Variants in IGF1R observed in about 807,000 individuals in gnomAD.
IGF1R encodes the protein insulin like growth factor 1 receptor.
Under a neutral mutation model 144.6 loss-of-function variants are expected in IGF1R, and 44 were observed. That is an observed-to-expected ratio of 0.30 (90% confidence interval 0.24 to 0.39). IGF1R has a LOEUF of 0.39. IGF1R is among the 10% of genes least tolerant of loss of function. The pLI, the probability that IGF1R is intolerant of heterozygous loss-of-function variation, is 1.00. For missense variants in IGF1R, 1,355 were observed against 1,833.7 expected, an observed-to-expected ratio of 0.74 and a Z score of 4.77; for synonymous variants, 795 against 722.8, an observed-to-expected ratio of 1.10 and a Z score of -1.60.
At chr15:98,835,360 G>GT (rs1174390249) in intron 2 of IGF1R, among the ~76,000 whole-genome samples, 1 of 152,210 alleles carries the variant, frequency 6.6e-6, no homozygotes, top group African/African-American at 2.4e-5. Context: ...TACCAGCGAA[G>GT]TGGAAGCACT....
chr15:98,668,273 T>C (rs2052795502), intron 1 of IGF1R, among the ~76,000 whole-genome samples: 1 of 152,144 alleles, frequency 6.6e-6, no homozygotes, highest in African/African-American at 2.4e-5. Flanking sequence ...ACTGAAGGTA[T>C]CTGGGGGTTG....
intron 2 of IGF1R, among the ~76,000 whole-genome samples, chr15:98,852,834 C>CG (rs927885396): frequency 5.3e-5 from 8 of 152,188 alleles, no homozygotes; most frequent in African/African-American, 1.9e-4. Flanking sequence ...TTTGACACCC[C>CG]GTCCTCCCTT....
At chr15:98,701,802 G>A (rs963211813) in intron 1 of IGF1R, among the ~76,000 whole-genome samples, 2 of 152,032 alleles carry the variant, frequency 1.3e-5, no homozygotes, top group Admixed American at 1.3e-4. Context: ...ATTTACATTG[G>A]GGCAACAAAA....
Position 98,962,433 on chromosome 15 carries a change from T to A in IGF1R, c.*4991T>A, listed in dbSNP as rs980938095. 14 of 232,526 alleles carry A rather than the reference T, an allele frequency of 6.0e-5. No individual in the cohort carries two copies. Among genetic ancestry groups the A allele is most frequent in the Non-Finnish European group, 9.3e-5 (11 of 118,018 alleles). The allele number at this position is 232,526 out of a possible 1,614,324, so 14.4% of individuals were successfully genotyped here. A position where few individuals can be genotyped will look rare whatever the true frequency, so the allele number is the denominator to read the frequency against. ...TAAGAACCAGTGGCGAAAGACACTT[T>A]CTTTCTTCACTCTGAAGTAGCTGGT... is the stretch of plus-strand genomic sequence containing the variant. On this transcript the variant is annotated 3_prime_UTR_variant, in exon 21 of 21. Transcript: ENST00000650285.
At chr15:98,815,209 T>C (rs950905779) in intron 2 of IGF1R, among the ~76,000 whole-genome samples, 7 of 152,264 alleles carry the variant, frequency 4.6e-5, no homozygotes, top group African/African-American at 1.4e-4. Context: ...CATTTGGCTC[T>C]TGGGGCAAAC....
chr15:98,650,926 C>G lies in IGF1R; in HGVS notation c.94+1251C>G, dbSNP rs575807916. ...GCGGGGATGCGGGGAGCGAGAACTC[C>G]CCCCGGTGTCTACGGCCGGAGGAGG... is the stretch of plus-strand genomic sequence containing the variant. On this transcript the variant is annotated intron_variant, in intron 1 of 20. Coordinates refer to ENST00000650285, the MANE Select transcript of IGF1R (RefSeq NM_000875.5). 7 of 984,932 alleles carry G rather than the reference C, an allele frequency of 7.1e-6. No homozygotes were observed. In the South Asian group the frequency reaches 3.3e-4, roughly 46 times the overall value. 61.0% of individuals were successfully genotyped at this position (984,932 alleles called of 1,614,324 possible). A position where few individuals can be genotyped will look rare whatever the true frequency, so the allele number is the denominator to read the frequency against.
At chr15:98,919,685 T>G (rs370393845) in intron 10 of IGF1R, among the ~76,000 whole-genome samples, 10 of 152,348 alleles carry the variant, frequency 6.6e-5, no homozygotes, top group East Asian at 5.8e-4. Flanking sequence ...TGATTCTCTG[T>G]TTTCATGGAT....
At position 98,960,863 on chromosome 15, in the gene IGF1R, G is replaced by C. The variant is rs577970789; in HGVS notation, c.*3421G>C. On this transcript the variant is annotated 3_prime_UTR_variant, in exon 21 of 21. Coordinates refer to ENST00000650285, the MANE Select transcript of IGF1R (RefSeq NM_000875.5). ...AGACAGAGATGTACCAAACCTTCCG[G>C]CTGGAAAGCCCAGTGGCCGGCGCCG... The C allele has an allele frequency of 3.8e-5, 9 of 233,846 alleles. No individual in the cohort carries two copies. The South Asian group carries it at 5.4e-4, about 14-fold the overall frequency. The allele number at this position is 233,846 out of a possible 1,614,324, so 14.5% of individuals were successfully genotyped here.
At chr15:98,768,302 G>A (rs1305324278) in intron 2 of IGF1R, among the ~76,000 whole-genome samples, 6 of 152,142 alleles carry the variant, frequency 3.9e-5, no homozygotes. Flanking sequence ...TTGTGCAAGA[G>A]GTATCAAATT....
intron 20 of IGF1R, among the ~76,000 whole-genome samples, chr15:98,956,116 C>T (rs999301961): frequency 1.3e-5 from 2 of 152,224 alleles, no homozygotes; most frequent in African/African-American, 2.4e-5. Context: ...TTTCCTGGGT[C>T]AGGGCAGCCG....
At chr15:98,916,335 C>T in intron 9 of IGF1R, 1 of 566,328 alleles carries the variant, frequency 1.8e-6, no homozygotes, top group Non-Finnish European at 3.1e-6. Flanking sequence ...GATCATGGCT[C>T]ACTGCAATTT....
chr15:98,839,613 G>T (rs2011141419), intron 2 of IGF1R, among the ~76,000 whole-genome samples: 1 of 152,216 alleles, frequency 6.6e-6, no homozygotes, highest in Non-Finnish European at 1.5e-5. Flanking sequence ...CTTCTTTCTA[G>T]ATGCAGTGGC....
chr15:98,920,281 T>TA (rs1413557988), intron 10 of IGF1R, among the ~76,000 whole-genome samples: 1 of 152,234 alleles, frequency 6.6e-6, no homozygotes, highest in Non-Finnish European at 1.5e-5. Flanking sequence ...GCCTTCCAGA[T>TA]AATGTTCTGT....
chr15:98,868,181 ACT>A (rs2012557396), intron 2 of IGF1R, among the ~76,000 whole-genome samples: 1 of 151,542 alleles, frequency 6.6e-6, no homozygotes, highest in Admixed American at 6.6e-5. Context: ...AATGAGTGAA[ACT>A]CTGTCTCCAA....
rs2017177529 is a variant in IGF1R at position 98,960,426 on chromosome 15, T to C, written c.*2984T>C. 4.3e-6 allele frequency: 1 copy of C among 233,032 alleles called. No homozygotes were observed. Among genetic ancestry groups the C allele is most frequent in the Admixed American group, 5.6e-5 (1 of 17,796 alleles). The allele number at this position is 233,032 out of a possible 1,614,324, so 14.4% of individuals were successfully genotyped here. On this transcript the variant is annotated 3_prime_UTR_variant, in exon 21 of 21. Coordinates refer to ENST00000650285, the MANE Select transcript of IGF1R (RefSeq NM_000875.5). ...GAGCCACCAGGCTGTCCCTGGCTGGTTGTCTTTGGAACAAACTGCTTCTGT... is the reference window on the plus strand; with the variant it reads ...GAGCCACCAGGCTGTCCCTGGCTGGCTGTCTTTGGAACAAACTGCTTCTGT...
chr15:98,823,450 G>A, intron 2 of IGF1R, among the ~76,000 whole-genome samples: 1 of 152,236 alleles, frequency 6.6e-6, no homozygotes, highest in East Asian at 1.9e-4. Flanking sequence ...ATGCAAAACA[G>A]TTATTAGACC....
intron 1 of IGF1R, among the ~76,000 whole-genome samples, chr15:98,688,338 C>T (rs962175197): frequency 1.6e-5 from 1 of 63,258 alleles, no homozygotes; most frequent in Non-Finnish European, 3.5e-5. Flanking sequence ...CTCTCTCTGC[C>T]TTTCACTTCC....
In IGF1R at chr15:98,707,797, ACT is replaced by A; in HGVS notation, c.333_334del (p.Phe112LeufsTer32). On this transcript the variant is annotated frameshift_variant, in exon 2 of 21. Coordinates refer to ENST00000650285, the MANE Select transcript of IGF1R (RefSeq NM_000875.5). LOFTEE classifies it high-confidence loss of function. The surrounding 1 kb of genome is among the most constrained non-coding windows in gnomAD (Gnocchi z 6.7). ...PNLTVIRGWK[L>X]FYNYALVIFE... ...ACCTCACGGTCATCCGCGGCTGGAAACTCTTCTACAACTACGCCCTGGTCATC... is the reference window on the plus strand; with the variant it reads ...ACCTCACGGTCATCCGCGGCTGGAAACTTCTACAACTACGCCCTGGTCATC... The A allele has an allele frequency of 6.2e-7, 1 of 1,614,194 alleles. No individual in the cohort carries two copies. Among genetic ancestry groups the A allele is most frequent in the Non-Finnish European group, 8.5e-7 (1 of 1,180,024 alleles).
At chr15:98,933,956 C>T (rs1212652021) in intron 15 of IGF1R, among the ~76,000 whole-genome samples, 1 of 152,048 alleles carries the variant, frequency 6.6e-6, no homozygotes, top group African/African-American at 2.4e-5. Flanking sequence ...GCTTTGTAAC[C>T]GCAAATTTTC....
Sources: gnomAD v4.1 joint callset for allele counts (sites outside exome capture counted in the v4.1 genomes callset) on GRCh38, gnomAD v4.1.1 for gene constraint, Gnocchi (gnomAD v3.1) non-coding constraint, MANE v1.5 for transcripts, NCBI Gene and HGNC (gene_info 2026-07-23, HGNC 2026-07-21) for gene names.